RAB6B: variants seen among roughly 807,000 people sequenced by gnomAD.
The protein encoded by RAB6B is RAB6B, member RAS oncogene family, also known as ras-related protein Rab-6B.
Under a neutral mutation model 31.2 loss-of-function variants are expected in RAB6B, and 7 were observed. That is an observed-to-expected ratio of 0.22 (90% CI 0.13 to 0.42). The LOEUF is 0.42. Among genes scored for constraint, RAB6B ranks in the 10% least tolerant of loss-of-function variants. RAB6B has a pLI of 1.00. For missense variants in RAB6B, 149 were observed against 280.6 expected (o/e 0.53, Z 3.35); for synonymous variants, 105 against 104.9 (o/e 1.00, Z -0.01).
intron 1 of RAB6B, among the ~76,000 whole-genome samples, chr3:133,891,955 G>C (rs1226517311): frequency 6.6e-6 from 1 of 152,156 alleles, no homozygotes; most frequent in African/African-American, 2.4e-5. Flanking sequence ...GGGAAGGGGA[G>C]GTCAGAAGAA....
intron 1 of RAB6B, among the ~76,000 whole-genome samples, chr3:133,867,175 C>A (rs1057070228): frequency 6.6e-6 from 1 of 152,196 alleles, no homozygotes; most frequent in Non-Finnish European, 1.5e-5. Flanking sequence ...GAAAACATCC[C>A]CTGAAAGTTT....
intron 2 of RAB6B, among the ~76,000 whole-genome samples, chr3:133,848,463 T>C (rs1366524518): frequency 2.0e-5 from 3 of 152,256 alleles, no homozygotes; most frequent in African/African-American, 7.2e-5. Context: ...CAGGATGTCT[T>C]AGTCCATTTT....
chr3:133,878,849 T>C (rs185985874), intron 1 of RAB6B, among the ~76,000 whole-genome samples: 4 of 152,284 alleles, frequency 2.6e-5, no homozygotes, highest in East Asian at 3.9e-4. Context: ...CAAAAATCTT[T>C]CAAAAATGAA....
At chr3:133,867,163 A>C (rs1308658436) in intron 1 of RAB6B, among the ~76,000 whole-genome samples, 1 of 152,258 alleles carries the variant, frequency 6.6e-6, no homozygotes, top group African/African-American at 2.4e-5. Context: ...TCTAGGGGGC[A>C]GGAAAACATC....
intron 2 of RAB6B, among the ~76,000 whole-genome samples, chr3:133,855,230 T>C (rs1447840218): frequency 1.3e-5 from 2 of 152,266 alleles, no homozygotes; most frequent in African/African-American, 4.8e-5. Flanking sequence ...TTTGGAGAGA[T>C]GAGACAGCAG....
At chr3:133,850,478 T>C (rs1935962155) in intron 2 of RAB6B, among the ~76,000 whole-genome samples, 1 of 152,012 alleles carries the variant, frequency 6.6e-6, no homozygotes, top group African/African-American at 2.4e-5. Flanking sequence ...GATTTAAAAA[T>C]CTCAACAGAG....
intron 2 of RAB6B, among the ~76,000 whole-genome samples, chr3:133,842,249 C>T (rs970806264): frequency 2.0e-5 from 3 of 152,220 alleles, no homozygotes; most frequent in Middle Eastern, 3.2e-3. Context: ...CAAGCCAAAA[C>T]ATTGGAAGCT....
At chr3:133,852,321 A>T (rs1935998606) in intron 2 of RAB6B, among the ~76,000 whole-genome samples, 1 of 152,124 alleles carries the variant, frequency 6.6e-6, no homozygotes, top group Non-Finnish European at 1.5e-5. Flanking sequence ...CTGGCATTGC[A>T]CTTTGGAGGT....
chr3:133,831,647 C>G (rs764531478), intron 7 of RAB6B, among the ~76,000 whole-genome samples: 18 of 152,214 alleles, frequency 1.2e-4, no homozygotes, highest in Non-Finnish European at 1.9e-4. Context: ...GGAAGAATGA[C>G]TGGACCCATG....
chr3:133,852,349 A>C (rs1045503377), intron 2 of RAB6B, among the ~76,000 whole-genome samples: 3 of 152,202 alleles, frequency 2.0e-5, no homozygotes, highest in Admixed American at 1.3e-4. Context: ...GGTCTGTATC[A>C]CAAATCATCA....
At chr3:133,832,672 G>A (rs373077320) in intron 7 of RAB6B, among the ~76,000 whole-genome samples, 1 of 152,206 alleles carries the variant, frequency 6.6e-6, no homozygotes, top group Non-Finnish European at 1.5e-5. Flanking sequence ...TCTGGTGGCC[G>A]CTCTAGCACC....
intron 6 of RAB6B, among the ~76,000 whole-genome samples, chr3:133,837,886 C>G (rs1226390511): frequency 1.3e-5 from 2 of 152,248 alleles, no homozygotes; most frequent in African/African-American, 4.8e-5. Context: ...TGGCTGGACA[C>G]TCTTAGGGCC....
chr3:133,839,701 G>A, intron 4 of RAB6B, 84 bp from the exon 5 acceptor site: 1 of 1,016,842 alleles, frequency 9.8e-7, no homozygotes. Context: ...GCCAGGAGCA[G>A]GAGGGAGGGT....
At position 133,874,511 on chromosome 3, in the gene RAB6B, A is replaced by C. The variant is rs1239890288; in HGVS notation, c.71-9869T>G. On this transcript the variant is annotated intron_variant, in intron 1 of 7. Coordinates refer to ENST00000285208, the MANE Select transcript of RAB6B (RefSeq NM_016577.4). ...CATAAAACATGAACAGAGCCATAGGACTGGAAGTCGTTCTGGGTGAGTCAG... is the reference window on the plus strand; with the variant it reads ...CATAAAACATGAACAGAGCCATAGGCCTGGAAGTCGTTCTGGGTGAGTCAG... Among the ~76,000 whole-genome samples, 4 of 152,256 alleles carry C rather than the reference A, an allele frequency of 2.6e-5. No homozygotes were observed. The East Asian group carries it at 7.7e-4, about 29-fold the overall frequency.
intron 2 of RAB6B, among the ~76,000 whole-genome samples, chr3:133,848,639 A>T (rs1479998159): frequency 6.6e-6 from 1 of 152,172 alleles, no homozygotes; most frequent in Non-Finnish European, 1.5e-5. Flanking sequence ...TGAACACACA[A>T]CAGAGAGAAA....
rs144606145 is a variant in RAB6B at position 133,841,977 on chromosome 3, G to A, written c.130-314C>T. ...AGCAAGGCCACTCAGGCCACTCAAC[G>A]CACATATCCTGCCCTCCCCACCTGG... On this transcript the variant is annotated intron_variant, in intron 2 of 7. Coordinates refer to ENST00000285208, the MANE Select transcript of RAB6B (RefSeq NM_016577.4). Among the ~76,000 whole-genome samples, 364 of 152,284 alleles carry A rather than the reference G, an allele frequency of 2.4e-3. 2 individuals carry two copies. The highest frequency in any genetic ancestry group is 5.6e-3 in the South Asian group (27 of 4,822).
At chr3:133,846,934 T>C (rs1935915755) in intron 2 of RAB6B, among the ~76,000 whole-genome samples, 1 of 152,250 alleles carries the variant, frequency 6.6e-6, no homozygotes, top group Non-Finnish European at 1.5e-5. Context: ...GTCACCAGCA[T>C]GCACTCATTA....
Position 133,847,537 on chromosome 3 carries a change from T to C in RAB6B, c.130-5874A>G, listed in dbSNP as rs142532616. ...AACATTCTCAAGATTCTCACATCTT[T>C]TGAGTGGAAAAATCCCTCATTTTCA... On this transcript the variant is annotated intron_variant, in intron 2 of 7. Coordinates refer to ENST00000285208, the MANE Select transcript of RAB6B (RefSeq NM_016577.4). Among the ~76,000 whole-genome samples the C allele has an allele frequency of 2.6e-3, 389 of 152,338 alleles. 3 individuals carry two copies. Among genetic ancestry groups the C allele is most frequent in the Admixed American group, 4.1e-3 (62 of 15,306 alleles).
intron 2 of RAB6B, among the ~76,000 whole-genome samples, chr3:133,846,109 G>A (rs1038947882): frequency 6.6e-6 from 1 of 152,120 alleles, no homozygotes; most frequent in Non-Finnish European, 1.5e-5. Context: ...AAAATAAAGA[G>A]AGCTTCAAGC....
Sources: allele counts gnomAD v4.1 joint callset (sites outside exome capture counted in the v4.1 genomes callset), GRCh38; gene constraint gnomAD v4.1.1; transcripts MANE v1.5; gene names NCBI Gene and HGNC (gene_info 2026-07-23, HGNC 2026-07-21).